The following RNF150 variants were observed in gnomAD, a reference collection of about 807,000 sequenced individuals.
RNF150 encodes ring finger protein 150.
In RNF150, 24 loss-of-function variants were observed where a neutral mutation model predicts 39.3. The ratio of observed to expected loss-of-function variants is 0.61; its 90% CI spans 0.44 to 0.86. The LOEUF is 0.86. Ranked by LOEUF, RNF150 falls within the 40% of genes least tolerant of loss-of-function variation. The probability of loss-of-function intolerance (pLI) is 0.00; values close to 1 mark genes in which losing one functional copy is unlikely to be tolerated. For missense variants in RNF150, 502 were observed against 587.8 expected (o/e 0.85, Z 1.51); for synonymous variants, 255 against 227.3 (o/e 1.12, Z -1.10).
intron 1 of RNF150, among the ~76,000 whole-genome samples, chr4:141,165,368 T>C (rs1188856238): frequency 6.6e-6 from 1 of 152,156 alleles, no homozygotes; most frequent in Non-Finnish European, 1.5e-5. Flanking sequence ...AACACCCCAC[T>C]GTCAATATTA....
chr4:141,075,005 G>A (rs930065611), intron 1 of RNF150, among the ~76,000 whole-genome samples: 2 of 152,206 alleles, frequency 1.3e-5, no homozygotes, highest in Non-Finnish European at 2.9e-5. Flanking sequence ...GAACTCTTTT[G>A]TCTTAAATAT....
intron 5 of RNF150, among the ~76,000 whole-genome samples, chr4:140,923,323 G>A (rs578096234): frequency 6.6e-6 from 1 of 152,084 alleles, no homozygotes; most frequent in African/African-American, 2.4e-5. Flanking sequence ...TATGAACAGA[G>A]ACTTCTCAAA....
chr4:141,151,683 T>C (rs752549456), intron 1 of RNF150, among the ~76,000 whole-genome samples: 12 of 152,184 alleles, frequency 7.9e-5, no homozygotes, highest in Non-Finnish European at 1.6e-4. Context: ...CCTAGAATTA[T>C]GGGAGATTTT....
At chr4:141,011,834 T>C (rs1445032117) in intron 1 of RNF150, among the ~76,000 whole-genome samples, 3 of 152,246 alleles carry the variant, frequency 2.0e-5, no homozygotes, top group Non-Finnish European at 4.4e-5. Context: ...TCAGTGATTA[T>C]AAAATTCTGT....
intron 5 of RNF150, among the ~76,000 whole-genome samples, chr4:140,918,966 C>T (rs2111298324): frequency 6.6e-6 from 1 of 152,180 alleles, no homozygotes; most frequent in South Asian, 2.1e-4. Flanking sequence ...GCAGAAAAGG[C>T]CTTTGACAAA....
At chr4:141,042,447 T>C (rs1350917994) in intron 1 of RNF150, among the ~76,000 whole-genome samples, 3 of 152,214 alleles carry the variant, frequency 2.0e-5, no homozygotes, top group Non-Finnish European at 4.4e-5. Flanking sequence ...CATTCTAAAA[T>C]TTCAACTAGT....
intron 1 of RNF150, among the ~76,000 whole-genome samples, chr4:141,074,001 C>A (rs113741357): frequency 1.6e-3 from 248 of 151,928 alleles, no homozygotes; most frequent in African/African-American, 5.8e-3. Context: ...GAGACTCCCC[C>A]ATCCTGGACT....
intron 1 of RNF150, among the ~76,000 whole-genome samples, chr4:141,060,364 C>G (rs1481916279): frequency 1.3e-5 from 2 of 152,050 alleles, no homozygotes; most frequent in Non-Finnish European, 2.9e-5. Flanking sequence ...CTGGTTGAGC[C>G]CAGGAGGTTG....
intron 1 of RNF150, among the ~76,000 whole-genome samples, chr4:141,030,973 A>G (rs1735921167): frequency 6.6e-6 from 1 of 152,102 alleles, no homozygotes. Context: ...TTTTGAGCGC[A>G]ATTAAAAAAT....
intron 6 of RNF150, among the ~76,000 whole-genome samples, chr4:140,907,533 G>C (rs1730432834): frequency 6.6e-6 from 1 of 152,026 alleles, no homozygotes; most frequent in South Asian, 2.1e-4. Flanking sequence ...ACATGCATTT[G>C]ATCTACTGCA....
At chr4:140,972,671 C>G (rs1425499970) in intron 1 of RNF150, among the ~76,000 whole-genome samples, 1 of 152,090 alleles carries the variant, frequency 6.6e-6, no homozygotes, top group East Asian at 1.9e-4. Context: ...AGGAACTTAT[C>G]TACAAAAGAA....
intron 1 of RNF150, among the ~76,000 whole-genome samples, chr4:140,999,001 G>GGCTGCT (rs58641225): frequency 1.5e-3 from 226 of 152,138 alleles, no homozygotes; most frequent in Non-Finnish European, 2.7e-3. Context: ...TCACGAAGCA[G>GGCTGCT]GCTGCTGCTG....
At chr4:140,921,214 C>T (rs1731122207) in intron 5 of RNF150, among the ~76,000 whole-genome samples, 1 of 151,310 alleles carries the variant, frequency 6.6e-6, no homozygotes, top group East Asian at 1.9e-4. Flanking sequence ...AATTGATAGA[C>T]CGCTAGCAAG....
In RNF150 at chr4:141,117,392, G is replaced by T. The variant is rs369509126; in HGVS notation, c.484+14933C>A. Reference sequence around the variant, plus strand: ...CTATAATTCTTCTATGTTTAGACATGTTTATATATGTGGTATAAATGTCCA... The same window carrying T: ...CTATAATTCTTCTATGTTTAGACATTTTTATATATGTGGTATAAATGTCCA... On this transcript the variant is annotated intron_variant, in intron 1 of 6. Coordinates refer to ENST00000515673, the MANE Select transcript of RNF150 (RefSeq NM_020724.2). Among the ~76,000 whole-genome samples, 9 of 152,228 alleles carry T rather than the reference G, an allele frequency of 5.9e-5. No homozygotes were observed. In the East Asian group the frequency reaches 9.7e-4, roughly 16 times the overall value.
intron 1 of RNF150, among the ~76,000 whole-genome samples, chr4:141,107,442 T>C (rs1346962832): frequency 6.6e-6 from 1 of 152,224 alleles, no homozygotes; most frequent in Non-Finnish European, 1.5e-5. Context: ...GTAGCAAAGC[T>C]ATTATGAGGC....
intron 6 of RNF150, among the ~76,000 whole-genome samples, chr4:140,874,802 G>A (rs1481667250): frequency 6.6e-6 from 1 of 152,116 alleles, no homozygotes; most frequent in African/African-American, 2.4e-5. Context: ...CAATTCTCCT[G>A]CCTCAGTCTG....
At chr4:140,995,472 G>C (rs1187425553) in intron 1 of RNF150, among the ~76,000 whole-genome samples, 1 of 152,118 alleles carries the variant, frequency 6.6e-6, no homozygotes, top group Non-Finnish European at 1.5e-5. Flanking sequence ...GTAACTTCTG[G>C]GTCATCAGGT....
At chr4:141,064,474 A>G (rs970559571) in intron 1 of RNF150, among the ~76,000 whole-genome samples, 1 of 152,128 alleles carries the variant, frequency 6.6e-6, no homozygotes, top group African/African-American at 2.4e-5. Context: ...ATAGTTGTGC[A>G]TTCCTGTAGT....
chr4:141,061,930 C>T (rs115883805), intron 1 of RNF150, among the ~76,000 whole-genome samples: 8 of 151,094 alleles, frequency 5.3e-5, no homozygotes, highest in Non-Finnish European at 1.0e-4. Context: ...AAAAGTACAT[C>T]GATTTTAAAA....
Sources: gnomAD v4.1 joint callset for allele counts (sites outside exome capture counted in the v4.1 genomes callset) on GRCh38, gnomAD v4.1.1 for gene constraint, MANE v1.5 for transcripts, NCBI Gene and HGNC (gene_info 2026-07-23, HGNC 2026-07-21) for gene names.